Variants in AFF3 observed in about 807,000 individuals in gnomAD.
The protein encoded by AFF3 is ALF transcription elongation factor 3.
AFF3 carries 32 observed loss-of-function variants against 129.7 expected under a neutral mutation model. The observed-to-expected ratio is 0.25, with a 90% CI of 0.19 to 0.33. AFF3 has a LOEUF of 0.33. AFF3 is among the 10% of genes least tolerant of loss of function. The probability of loss-of-function intolerance (pLI) is 1.00; values close to 1 mark genes in which losing one functional copy is unlikely to be tolerated. For missense variants in AFF3, 1,373 were observed against 1,592.0 expected (o/e 0.86, Z 2.34); for synonymous variants, 644 against 635.4 (o/e 1.01, Z -0.20).
intron 8 of AFF3, among the ~76,000 whole-genome samples, chr2:99,792,592 T>C (rs1021840840): frequency 1.3e-5 from 2 of 152,230 alleles, no homozygotes; most frequent in African/African-American, 4.8e-5. Context: ...TCCTTTATCA[T>C]TAGTTAAGCT....
At position 99,783,918 on chromosome 2, in the gene AFF3, C is replaced by T. The variant is rs141515196; in HGVS notation, c.922-31617G>A. 4.2e-3 allele frequency among the ~76,000 whole-genome samples: 644 copies of T among 152,352 alleles called. 8 individuals are homozygous for T. The highest frequency in any genetic ancestry group is 0.015 in the African/African-American group (614 of 41,584). ...CTTTCAGCACCTACTATGTGCTAAA[C>T]ATAGATATTGTATTTCATCAATTAT... On this transcript the variant is annotated intron_variant, in intron 8 of 24. Transcript: ENST00000672756.
In AFF3 at chr2:99,608,671, G is replaced by A. The variant is rs565738014; in HGVS notation, c.1185-7050C>T. Among the ~76,000 whole-genome samples the A allele has an allele frequency of 7.2e-5, 11 of 152,216 alleles. No homozygotes were observed. The South Asian group carries it at 1.5e-3, about 20-fold the overall frequency. On this transcript the variant is annotated intron_variant, in intron 13 of 24. Transcript: ENST00000672756. ...CCAAACTGGAGAATCCCACTAGGTC[G>A]AATGCTGCTTCTCCAGGCTAGCCTA... is the stretch of plus-strand genomic sequence containing the variant.
intron 8 of AFF3, among the ~76,000 whole-genome samples, chr2:99,770,289 C>A (rs1306403670): frequency 6.6e-6 from 1 of 152,214 alleles, no homozygotes; most frequent in Admixed American, 6.5e-5. Flanking sequence ...GGGATTACTG[C>A]CAGGCCACTG....
intron 11 of AFF3, among the ~76,000 whole-genome samples, chr2:99,711,995 A>G (rs1677943782): frequency 6.6e-6 from 1 of 152,208 alleles, no homozygotes; most frequent in Admixed American, 6.5e-5. Context: ...GTCTCTGTGG[A>G]CTGAAGAGCT....
chr2:99,648,917 A>ACACACTCTCTCTCTCTCTCTCTCT lies in AFF3; in HGVS notation c.1184+708_1184+709insAGAGAGAGAGAGAGAGAGAGTGTG. Among the ~76,000 whole-genome samples the ACACACTCTCTCTCTCTCTCTCTCT allele has an allele frequency of 1.9e-3, 88 of 46,920 alleles. 1 individual carries two copies. The highest frequency in any genetic ancestry group is 5.2e-3 in the African/African-American group (81 of 15,540). The allele number at this position is 46,920 out of a possible 152,430, so 30.8% of individuals were successfully genotyped here. A position where few individuals can be genotyped will look rare whatever the true frequency, so the allele number is the denominator to read the frequency against. On this transcript the variant is annotated intron_variant, in intron 13 of 24. Coordinates refer to ENST00000672756, the MANE Select transcript of AFF3 (RefSeq NM_001386135.1). ...CACACACACACACACACACACACAC[A>ACACACTCTCTCTCTCTCTCTCTCT]CTCTCTCTCTCTCTCTCTCTCCAAT... is the stretch of plus-strand genomic sequence containing the variant.
Position 99,611,564 on chromosome 2 carries a change from C to A in AFF3, c.1185-9943G>T, listed in dbSNP as rs185308941. ...AGAGGGGGCCACAGTTTTTTTTCCC[C>A]CCACGGTGTTTGTCTGGAATAGGGT... is the stretch of plus-strand genomic sequence containing the variant. On this transcript the variant is annotated intron_variant, in intron 13 of 24. Coordinates refer to ENST00000672756, the MANE Select transcript of AFF3 (RefSeq NM_001386135.1). Among the ~76,000 whole-genome samples, 367 of 152,108 alleles carry A rather than the reference C, an allele frequency of 2.4e-3. 1 individual carries two copies. The highest frequency in any genetic ancestry group is 8.5e-3 in the African/African-American group (352 of 41,494).
intron 7 of AFF3, among the ~76,000 whole-genome samples, chr2:99,865,185 A>G (rs1208618182): frequency 6.6e-6 from 1 of 152,164 alleles, no homozygotes; most frequent in Non-Finnish European, 1.5e-5. Context: ...GGTGGACAAA[A>G]TCCTCTAAGG....
intron 13 of AFF3, among the ~76,000 whole-genome samples, chr2:99,646,159 G>GT (rs1312965165): frequency 6.6e-6 from 1 of 152,148 alleles, no homozygotes; most frequent in African/African-American, 2.4e-5. Flanking sequence ...ATCGATTTGT[G>GT]TATCTTGGAA....
At chr2:99,784,486 T>G (rs1267853885) in intron 8 of AFF3, among the ~76,000 whole-genome samples, 2 of 152,154 alleles carry the variant, frequency 1.3e-5, no homozygotes, top group Non-Finnish European at 2.9e-5. Flanking sequence ...TCTAGAGGCC[T>G]GAAACAAGCC....
chr2:99,924,154 T>C (rs1696060426), intron 7 of AFF3, among the ~76,000 whole-genome samples: 1 of 152,164 alleles, frequency 6.6e-6, no homozygotes, highest in Non-Finnish European at 1.5e-5. Context: ...CCTTTCCAAG[T>C]CTCACTGAAC....
At chr2:100,052,029 AC>A (rs1686376737) in intron 4 of AFF3, among the ~76,000 whole-genome samples, 1 of 152,226 alleles carries the variant, frequency 6.6e-6, no homozygotes, top group Non-Finnish European at 1.5e-5. Flanking sequence ...GATGTTCATC[AC>A]AGGCTGAGGA....
intron 11 of AFF3, among the ~76,000 whole-genome samples, chr2:99,722,327 C>G (rs551242505): frequency 2.0e-4 from 30 of 152,282 alleles, no homozygotes; most frequent in African/African-American, 5.8e-4. Context: ...ATAATGAACA[C>G]TGTAAATTTT....
intron 7 of AFF3, among the ~76,000 whole-genome samples, chr2:99,956,602 A>C (rs777434801): frequency 3.3e-5 from 5 of 152,250 alleles, no homozygotes; most frequent in Non-Finnish European, 5.9e-5. Flanking sequence ...CATTAAAATA[A>C]ATTTAAATGA....
chr2:100,045,771 A>T (rs544373297), intron 4 of AFF3, among the ~76,000 whole-genome samples: 1 of 152,148 alleles, frequency 6.6e-6, no homozygotes, highest in East Asian at 1.9e-4. Flanking sequence ...AATAGTAAAC[A>T]TATTTTCTCT....
At chr2:99,805,173 G>C (rs1017665287) in intron 8 of AFF3, among the ~76,000 whole-genome samples, 1 of 152,164 alleles carries the variant, frequency 6.6e-6, no homozygotes, top group South Asian at 2.1e-4. Flanking sequence ...TCACCCAGCT[G>C]ATGTTTTGGT....
At chr2:99,740,900 G>A (rs902807208) in intron 10 of AFF3, among the ~76,000 whole-genome samples, 3 of 152,174 alleles carry the variant, frequency 2.0e-5, no homozygotes, top group African/African-American at 7.2e-5. Flanking sequence ...GAATAGTAAT[G>A]CCTAGGTTTT....
chr2:99,789,469 A>C (rs919801151), intron 8 of AFF3, among the ~76,000 whole-genome samples: 3 of 151,318 alleles, frequency 2.0e-5, no homozygotes, highest in Admixed American at 2.0e-4. Flanking sequence ...AAAAAAAAAA[A>C]AGTAGTTGAG....
chr2:99,778,387 A>C (rs893717730), intron 8 of AFF3, among the ~76,000 whole-genome samples: 1 of 152,242 alleles, frequency 6.6e-6, no homozygotes. Context: ...TGCCTCAGAC[A>C]GGCAGAAACA....
chr2:99,638,951 G>A (rs1683930880), intron 13 of AFF3, among the ~76,000 whole-genome samples: 1 of 152,128 alleles, frequency 6.6e-6, no homozygotes, highest in Non-Finnish European at 1.5e-5. Flanking sequence ...GTTTCTGCAG[G>A]CTCGTGGGAA....
Sources: gnomAD v4.1 joint callset for allele counts (sites outside exome capture counted in the v4.1 genomes callset) on GRCh38, gnomAD v4.1.1 for gene constraint, MANE v1.5 for transcripts, NCBI Gene and HGNC (gene_info 2026-07-23, HGNC 2026-07-21) for gene names.